SAMD4A: variants seen among roughly 807,000 people sequenced by gnomAD.
SAMD4A encodes protein Smaug homolog 1.
Under a neutral mutation model 81.3 loss-of-function variants are expected in SAMD4A, and 33 were observed. That is an observed-to-expected ratio of 0.41 (90% CI 0.31 to 0.54). SAMD4A has a LOEUF of 0.54. Among genes scored for constraint, SAMD4A ranks in the 20% least tolerant of loss-of-function variants. The probability of loss-of-function intolerance (pLI) is 0.37; values close to 1 mark genes in which losing one functional copy is unlikely to be tolerated. For missense variants in SAMD4A, 854 were observed against 951.1 expected, an observed-to-expected ratio of 0.90 and a Z score of 1.34; for synonymous variants, 389 against 382.1, an observed-to-expected ratio of 1.02 and a Z score of -0.21.
At chr14:54,615,988 C>T (rs1303398376) in intron 2 of SAMD4A, among the ~76,000 whole-genome samples, 1 of 151,984 alleles carries the variant, frequency 6.6e-6, no homozygotes, top group East Asian at 1.9e-4. Context: ...TGCTGTATTC[C>T]ATCCCCTTTC....
chr14:54,666,586 T>C (rs1383113089), intron 2 of SAMD4A, among the ~76,000 whole-genome samples: 2 of 152,334 alleles, frequency 1.3e-5, no homozygotes, highest in East Asian at 3.9e-4. Context: ...ACTGTAATTG[T>C]TTTTGCTTAT....
chr14:54,644,091 G>A (rs2035233465), intron 2 of SAMD4A, among the ~76,000 whole-genome samples: 2 of 152,180 alleles, frequency 1.3e-5, no homozygotes, highest in Admixed American at 1.3e-4. Context: ...ACTACCGGCT[G>A]TGATTCAGGG....
intron 8 of SAMD4A, among the ~76,000 whole-genome samples, chr14:54,767,229 C>T (rs918017290): frequency 6.6e-6 from 1 of 152,166 alleles, no homozygotes; most frequent in African/African-American, 2.4e-5. Context: ...CCCGTGAAGG[C>T]GCACAGCCTC....
chr14:54,604,320 T>C (rs554976287), intron 2 of SAMD4A, among the ~76,000 whole-genome samples: 1 of 152,348 alleles, frequency 6.6e-6, no homozygotes, highest in East Asian at 1.9e-4. Flanking sequence ...GTTGTAACTT[T>C]CTCTTTGAAT....
chr14:54,613,949 T>A (rs890456858), intron 2 of SAMD4A, among the ~76,000 whole-genome samples: 1 of 152,250 alleles, frequency 6.6e-6, no homozygotes, highest in African/African-American at 2.4e-5. Flanking sequence ...ATGTCGCAAG[T>A]AACCTTTAAG....
At chr14:54,755,381 G>A (rs2139837306) in intron 6 of SAMD4A, among the ~76,000 whole-genome samples, 1 of 152,298 alleles carries the variant, frequency 6.6e-6, no homozygotes. Flanking sequence ...CACAAGGTTT[G>A]AAAGGACCAG....
At chr14:54,683,839 A>G (rs1034933105) in intron 2 of SAMD4A, among the ~76,000 whole-genome samples, 10 of 152,188 alleles carry the variant, frequency 6.6e-5, no homozygotes, top group Non-Finnish European at 1.2e-4. Flanking sequence ...AGTGAGGGGT[A>G]GATATATGAG....
chr14:54,754,033 T>C (rs1378606361), intron 6 of SAMD4A, among the ~76,000 whole-genome samples: 1 of 152,222 alleles, frequency 6.6e-6, no homozygotes, highest in African/African-American at 2.4e-5. Flanking sequence ...ATTTCTTCCC[T>C]TCTTTCTGGA....
chr14:54,792,345 G>A lies in SAMD4A; in HGVS notation c.*3401G>A, dbSNP rs528820238. 1 of 152,296 alleles carries A rather than the reference G, an allele frequency of 6.6e-6. No homozygotes were observed. Among genetic ancestry groups the A allele is most frequent in the South Asian group, 2.1e-4 (1 of 4,818 alleles). 9.4% of individuals were successfully genotyped at this position (152,296 alleles called of 1,614,324 possible). A position where few individuals can be genotyped will look rare whatever the true frequency, so the allele number is the denominator to read the frequency against. ...TCCCATTCGTTTGAAGAGACACTGA[G>A]GGAAACAAGGGTTTCTTTTGAGGTG... On this transcript the variant is annotated 3_prime_UTR_variant, in exon 13 of 13. Coordinates refer to ENST00000554335, the MANE Select transcript of SAMD4A (RefSeq NM_015589.6).
intron 2 of SAMD4A, among the ~76,000 whole-genome samples, chr14:54,627,947 A>G (rs1235628550): frequency 6.6e-6 from 1 of 152,020 alleles, no homozygotes. Flanking sequence ...GCAGGCTTTT[A>G]TTTTTGTCAA....
intron 2 of SAMD4A, among the ~76,000 whole-genome samples, chr14:54,645,544 A>G (rs1346521942): frequency 6.6e-6 from 1 of 152,242 alleles, no homozygotes; most frequent in Non-Finnish European, 1.5e-5. Flanking sequence ...TTTAAAAAGC[A>G]TAAGACCTTA....
intron 2 of SAMD4A, among the ~76,000 whole-genome samples, chr14:54,649,746 A>G (rs751104116): frequency 6.6e-6 from 1 of 152,214 alleles, no homozygotes; most frequent in African/African-American, 2.4e-5. Flanking sequence ...AGAATTTAAG[A>G]GAATTGTATG....
intron 2 of SAMD4A, chr14:54,682,152 G>T (rs970310640): frequency 3.3e-5 from 23 of 707,304 alleles, no homozygotes; most frequent in Middle Eastern, 7.2e-4. Context: ...TTGGGATTGT[G>T]GGGAGTCTGC....
chr14:54,572,758 G>A (rs752412174), intron 2 of SAMD4A, among the ~76,000 whole-genome samples: 5 of 152,072 alleles, frequency 3.3e-5, no homozygotes, highest in East Asian at 3.8e-4. Flanking sequence ...GTTATTGTCC[G>A]GAAGTTACTT....
At chr14:54,676,291 A>G (rs1414800249) in intron 2 of SAMD4A, among the ~76,000 whole-genome samples, 2 of 152,178 alleles carry the variant, frequency 1.3e-5, no homozygotes, top group East Asian at 1.9e-4. Flanking sequence ...AAATCATCCT[A>G]TGGTATTGGT....
chr14:54,591,141 G>A (rs1011444463), intron 2 of SAMD4A, among the ~76,000 whole-genome samples: 1 of 152,150 alleles, frequency 6.6e-6, no homozygotes, highest in Non-Finnish European at 1.5e-5. Flanking sequence ...TACGTCGTGC[G>A]ATACATGAGA....
intron 7 of SAMD4A, among the ~76,000 whole-genome samples, chr14:54,763,124 A>G (rs113480010): frequency 0.021 from 3,140 of 151,668 alleles, 87 homozygotes; most frequent in African/African-American, 0.071. Flanking sequence ...CAAAGTGCTG[A>G]GATTACAGGC....
intron 4 of SAMD4A, among the ~76,000 whole-genome samples, chr14:54,743,654 A>G (rs1299112069): frequency 6.6e-6 from 1 of 152,220 alleles, no homozygotes; most frequent in South Asian, 2.1e-4. Flanking sequence ...TGTGTCTAAC[A>G]TGTCAAAGTG....
At chr14:54,776,593 T>C in intron 11 of SAMD4A, 53 bp downstream of exon 11, 1 of 1,456,676 alleles carries the variant, frequency 6.9e-7, no homozygotes. Flanking sequence ...CCAAAATAGA[T>C]GCCCTAGCAA....
Sources: gnomAD v4.1 joint callset for allele counts (sites outside exome capture counted in the v4.1 genomes callset) on GRCh38, gnomAD v4.1.1 for gene constraint, MANE v1.5 for transcripts, NCBI Gene and HGNC (gene_info 2026-07-23, HGNC 2026-07-21) for gene names.